CHRM3: variants seen among roughly 807,000 people sequenced by gnomAD.
The protein encoded by CHRM3 is muscarinic acetylcholine receptor M3.
A neutral mutation model predicts 41.8 loss-of-function variants in CHRM3; 11 were observed. That is an observed-to-expected ratio of 0.26 (90% CI 0.17 to 0.44). The LOEUF is 0.44. CHRM3 is among the 20% of genes least tolerant of loss of function. The pLI is 1.00. For synonymous variants in CHRM3, 297 were observed against 301.4 expected (o/e 0.99, Z 0.15); for missense variants, 571 against 745.4 (o/e 0.77, Z 2.72).
rs114334066 is a variant in CHRM3 at position 239,819,525 on chromosome 1, A to G, written c.-146-7727A>G. Reference sequence around the variant, plus strand: ...CAAAATAGTTCATTGAGCTACATACATATTTAAGCAATCGGGGAAATTTGA... The same window carrying G: ...CAAAATAGTTCATTGAGCTACATACGTATTTAAGCAATCGGGGAAATTTGA... On this transcript the variant is annotated intron_variant, in intron 5 of 6. Transcript: ENST00000676153. Among the ~76,000 whole-genome samples the G allele has an allele frequency of 5.8e-3, 883 of 152,312 alleles. 6 individuals are homozygous for G. The highest frequency in any genetic ancestry group is 0.019 in the African/African-American group (809 of 41,566).
At chr1:239,447,127 C>T (rs1664207235) in intron 1 of CHRM3, among the ~76,000 whole-genome samples, 1 of 152,132 alleles carries the variant, frequency 6.6e-6, no homozygotes, top group Non-Finnish European at 1.5e-5. Context: ...AATTTCATCA[C>T]CAACTCAACT....
chr1:239,762,230 A>C (rs1258317994), intron 5 of CHRM3, among the ~76,000 whole-genome samples: 1 of 152,104 alleles, frequency 6.6e-6, no homozygotes, highest in Non-Finnish European at 1.5e-5. Flanking sequence ...CCCTAACCAA[A>C]GTTTGTGAAT....
At chr1:239,840,378 C>A (rs991699384) in intron 6 of CHRM3, among the ~76,000 whole-genome samples, 30 of 152,200 alleles carry the variant, frequency 2.0e-4, no homozygotes, top group Admixed American at 2.6e-4. Flanking sequence ...ATACTTCACA[C>A]GGCATTGATT....
intron 4 of CHRM3, among the ~76,000 whole-genome samples, chr1:239,647,760 C>G (rs556287573): frequency 6.6e-6 from 1 of 152,276 alleles, no homozygotes; most frequent in African/African-American, 2.4e-5. Context: ...ACCCTAGTCT[C>G]CTGTATGTCA....
chr1:239,753,701 A>G (rs1022531717), intron 5 of CHRM3, among the ~76,000 whole-genome samples: 4 of 152,172 alleles, frequency 2.6e-5, no homozygotes, highest in Admixed American at 6.5e-5. Context: ...TTGTTGACTG[A>G]CCGAATGCAG....
chr1:239,585,972 T>C (rs1157147623), intron 3 of CHRM3, among the ~76,000 whole-genome samples: 1 of 152,224 alleles, frequency 6.6e-6, no homozygotes, highest in African/African-American at 2.4e-5. Flanking sequence ...TTGAGTAACA[T>C]AATTTTGCCT....
intron 6 of CHRM3, among the ~76,000 whole-genome samples, chr1:239,893,860 C>T (rs985391081): frequency 2.4e-4 from 37 of 151,800 alleles, no homozygotes; most frequent in Non-Finnish European, 4.1e-4. Context: ...GTTTTTAATC[C>T]CTTAGCCATG....
intron 5 of CHRM3, among the ~76,000 whole-genome samples, chr1:239,749,738 A>G (rs10925969): frequency 0.043 from 6,586 of 152,252 alleles, 229 homozygotes; most frequent in African/African-American, 0.084. Context: ...GCTGGAAGTC[A>G]GTTTGTGCAA....
chr1:239,590,206 G>A (rs1208316578), intron 3 of CHRM3, among the ~76,000 whole-genome samples: 1 of 152,082 alleles, frequency 6.6e-6, no homozygotes, highest in Non-Finnish European at 1.5e-5. Flanking sequence ...CTGGTGTGGA[G>A]TAAGTGCTGA....
intron 6 of CHRM3, among the ~76,000 whole-genome samples, chr1:239,838,132 G>A (rs1440125401): frequency 6.6e-6 from 1 of 152,086 alleles, no homozygotes; most frequent in Non-Finnish European, 1.5e-5. Context: ...TCTAAGTGGT[G>A]GATAAATAGT....
chr1:239,824,384 A>G (rs368034246), intron 5 of CHRM3, among the ~76,000 whole-genome samples: 2 of 152,188 alleles, frequency 1.3e-5, no homozygotes, highest in African/African-American at 4.8e-5. Context: ...TGCTTAATGT[A>G]TAAGACAACC....
At chr1:239,848,957 T>G (rs61831571) in intron 6 of CHRM3, among the ~76,000 whole-genome samples, 11,159 of 152,248 alleles carry the variant, frequency 0.073, 438 homozygotes, top group Non-Finnish European at 0.094. Flanking sequence ...TCCAGCAAAC[T>G]ATAGCTACAG....
At chr1:239,891,971 G>A (rs558127534) in intron 6 of CHRM3, among the ~76,000 whole-genome samples, 19 of 152,254 alleles carry the variant, frequency 1.2e-4, no homozygotes, top group Admixed American at 3.3e-4. Flanking sequence ...CCGAGAACTC[G>A]GTGTTCAAGG....
At chr1:239,512,353 A>C (rs1668979419) in intron 2 of CHRM3, among the ~76,000 whole-genome samples, 2 of 152,160 alleles carry the variant, frequency 1.3e-5, no homozygotes, top group South Asian at 4.1e-4. Flanking sequence ...TCAGTTAAAC[A>C]AATTTTACCC....
At chr1:239,906,942 C>T (rs113378530) in intron 6 of CHRM3, among the ~76,000 whole-genome samples, 1 of 152,148 alleles carries the variant, frequency 6.6e-6, no homozygotes, top group African/African-American at 2.4e-5. Context: ...GTTGGCATTG[C>T]TCATTTTAGT....
intron 5 of CHRM3, among the ~76,000 whole-genome samples, chr1:239,732,107 T>G (rs1427678982): frequency 6.6e-6 from 1 of 152,022 alleles, no homozygotes; most frequent in African/African-American, 2.4e-5. Context: ...GCACTTGGTC[T>G]GCCTCCTATC....
chr1:239,662,906 T>TCTTCTTCTTCTTCTTCTTCTTCTC (rs1673373325), intron 4 of CHRM3, among the ~76,000 whole-genome samples: 4 of 139,946 alleles, frequency 2.9e-5, no homozygotes, highest in African/African-American at 1.2e-4. Context: ...TTCTTCTTCT[T>TCTTCTTCTTCTTCTTCTTCTTCTC]CTTCTTCTTC....
intron 6 of CHRM3, among the ~76,000 whole-genome samples, chr1:239,881,304 A>AAAAAAG (rs1677611268): frequency 6.6e-6 from 1 of 150,420 alleles, no homozygotes; most frequent in Non-Finnish European, 1.5e-5. Context: ...AAAAAAAAAA[A>AAAAAAG]AAGAATACAA....
intron 2 of CHRM3, among the ~76,000 whole-genome samples, chr1:239,505,744 A>G (rs1383188389): frequency 6.6e-6 from 1 of 152,182 alleles, no homozygotes; most frequent in Non-Finnish European, 1.5e-5. Context: ...AGATGTTGTA[A>G]GAGTTTGGAG....
Sources: gnomAD v4.1 joint callset for allele counts (sites outside exome capture counted in the v4.1 genomes callset) on GRCh38, gnomAD v4.1.1 for gene constraint, MANE v1.5 for transcripts, NCBI Gene and HGNC (gene_info 2026-07-23, HGNC 2026-07-21) for gene names.